The following LRRC7 variants were observed in gnomAD, a reference collection of about 807,000 sequenced individuals.
LRRC7 encodes leucine rich repeat containing 7.
In LRRC7, 23 loss-of-function variants were observed where a neutral mutation model predicts 175.7. That is an observed-to-expected ratio of 0.13 (90% CI 0.09 to 0.19). LRRC7 has a LOEUF of 0.19. Ranked by LOEUF, LRRC7 falls within the 10% of genes least tolerant of loss-of-function variation. The probability of loss-of-function intolerance (pLI) is 1.00; values close to 1 mark genes in which losing one functional copy is unlikely to be tolerated. For missense variants in LRRC7, 1,354 were observed against 1,904.7 expected (o/e 0.71, Z 5.38); for synonymous variants, 685 against 680.9 (o/e 1.01, Z -0.09).
chr1:69,677,317 T>C (rs929660880), intron 1 of LRRC7, among the ~76,000 whole-genome samples: 12 of 149,872 alleles, frequency 8.0e-5, no homozygotes, highest in Non-Finnish European at 1.5e-4. Flanking sequence ...TATCCACTTA[T>C]AGGGTGATGG....
At chr1:69,608,856 CTCTCTCTCTCTA>C (rs1213217034) in intron 1 of LRRC7, among the ~76,000 whole-genome samples, 672 of 28,976 alleles carry the variant, frequency 0.023, no homozygotes, top group Non-Finnish European at 0.027. Flanking sequence ...CTCTCTCTCT[CTCTCTCTCTCTA>C]TATATATATA....
intron 7 of LRRC7, among the ~76,000 whole-genome samples, chr1:69,907,167 C>A (rs1411165547): frequency 6.6e-6 from 1 of 152,104 alleles, no homozygotes; most frequent in African/African-American, 2.4e-5. Flanking sequence ...TGGGCTGAGA[C>A]AATGGGGTTT....
chr1:69,992,163 G>C (rs988410586), intron 10 of LRRC7, among the ~76,000 whole-genome samples: 1 of 151,936 alleles, frequency 6.6e-6, no homozygotes, highest in Non-Finnish European at 1.5e-5. Context: ...ATAGTAAACA[G>C]CTATTGTTAC....
chr1:69,947,126 A>C lies in LRRC7; in HGVS notation c.711+15556A>C, dbSNP rs12033320. 9.3e-4 allele frequency among the ~76,000 whole-genome samples: 132 copies of C among 141,696 alleles called. 1 individual carries two copies. The South Asian group carries it at 0.013, about 14-fold the overall frequency. 93.0% of individuals were successfully genotyped at this position (141,696 alleles called of 152,430 possible). A position where few individuals can be genotyped will look rare whatever the true frequency, so the allele number is the denominator to read the frequency against. ...GTGTCTCAAAATAAATAAATAAATAAATAAATAAATAAATAAATAAATAAA... is the reference window on the plus strand; with the variant it reads ...GTGTCTCAAAATAAATAAATAAATACATAAATAAATAAATAAATAAATAAA... On this transcript the variant is annotated intron_variant, in intron 8 of 26. Transcript: ENST00000651989.
At chr1:69,790,628 G>A (rs995446387) in intron 3 of LRRC7, among the ~76,000 whole-genome samples, 5 of 151,880 alleles carry the variant, frequency 3.3e-5, no homozygotes, top group Non-Finnish European at 5.9e-5. Flanking sequence ...ACTGTATGCA[G>A]ATATAGATGT....
chr1:69,852,201 G>A (rs1184471741), intron 7 of LRRC7, among the ~76,000 whole-genome samples: 1 of 151,802 alleles, frequency 6.6e-6, no homozygotes, highest in Non-Finnish European at 1.5e-5. Context: ...TGTTGTCTAC[G>A]TGTATATCCC....
At chr1:70,068,442 A>G (rs1026225593) in intron 23 of LRRC7, among the ~76,000 whole-genome samples, 3 of 152,166 alleles carry the variant, frequency 2.0e-5, no homozygotes, top group African/African-American at 7.2e-5. Context: ...GTATCACTAG[A>G]ATAAACATCT....
chr1:70,013,114 A>G (rs770736318), intron 13 of LRRC7, 25 bp downstream of exon 13: 6 of 1,358,626 alleles, frequency 4.4e-6, no homozygotes, highest in Middle Eastern at 3.7e-4. Flanking sequence ...TTTCACAATC[A>G]CATATTAGTT....
Position 70,127,947 on chromosome 1 carries a change from T to A in LRRC7, c.*6060T>A, listed in dbSNP as rs1666514411. On this transcript the variant is annotated 3_prime_UTR_variant, in exon 27 of 27. Coordinates refer to ENST00000651989, the MANE Select transcript of LRRC7 (RefSeq NM_001370785.2). ...TCCTTTTTTGAAAAAAAGACTTTTA[T>A]GTGACTTTTTCTTTTCTTTCTTTTT... 6.6e-6 allele frequency among the ~76,000 whole-genome samples: 1 copy of A among 152,120 alleles called. No individual in the cohort carries two copies. The highest frequency in any genetic ancestry group is 2.4e-5 in the African/African-American group (1 of 41,436).
intron 9 of LRRC7, 90 bp downstream of exon 9, chr1:69,980,543 T>C: frequency 9.2e-7 from 1 of 1,083,640 alleles, no homozygotes; most frequent in Admixed American, 2.2e-5. Flanking sequence ...ATTTCAGTAT[T>C]TGTGTTTCAA....
chr1:69,983,846 C>T lies in LRRC7; in HGVS notation c.787-2396C>T, dbSNP rs72943294. Among the ~76,000 whole-genome samples, 863 of 152,280 alleles carry T rather than the reference C, an allele frequency of 5.7e-3. 11 individuals carry two copies. Among genetic ancestry groups the T allele is most frequent in the African/African-American group, 0.02 (819 of 41,542 alleles). ...TGTCTCTGCTTCCCAAGGAATCCAA[C>T]ATGTGACATGACTTAATCTCCAATA... is the stretch of plus-strand genomic sequence containing the variant. On this transcript the variant is annotated intron_variant, in intron 9 of 26. Transcript: ENST00000651989.
At chr1:69,915,954 A>AGCTAGTGAGTGG (rs1646673678) in intron 7 of LRRC7, among the ~76,000 whole-genome samples, 1 of 147,632 alleles carries the variant, frequency 6.8e-6, no homozygotes, top group Admixed American at 7.1e-5. Context: ...AAAGTCAAAC[A>AGCTAGTGAGTGG]GCTAGTGAGT....
At chr1:69,910,294 G>T (rs1236570753) in intron 7 of LRRC7, among the ~76,000 whole-genome samples, 1 of 152,336 alleles carries the variant, frequency 6.6e-6, no homozygotes, top group East Asian at 1.9e-4. Flanking sequence ...TTTCTGCTCT[G>T]TTTTTTCCCC....
At chr1:69,752,813 C>A (rs1669983536) in intron 2 of LRRC7, among the ~76,000 whole-genome samples, 1 of 152,086 alleles carries the variant, frequency 6.6e-6, no homozygotes, top group African/African-American at 2.4e-5. Flanking sequence ...GTGGAGAAAC[C>A]AGAACAGGAT....
intron 7 of LRRC7, among the ~76,000 whole-genome samples, chr1:69,862,112 CA>C (rs1380375516): frequency 1.3e-5 from 2 of 152,118 alleles, no homozygotes; most frequent in African/African-American, 4.8e-5. Context: ...CACCACCTTT[CA>C]AAATTAACCA....
At position 70,121,913 on chromosome 1, in the gene LRRC7, C is replaced by A. The variant is rs200827006; in HGVS notation, c.*26C>A. On this transcript the variant is annotated 3_prime_UTR_variant, in exon 27 of 27. Coordinates refer to ENST00000651989, the MANE Select transcript of LRRC7 (RefSeq NM_001370785.2). The stretch of plus-strand genomic sequence containing the variant: ...ATATTTTTTATAAATAGTGAAGATA[C>A]GTCTAGCCAGACCTAATGTTCAAAA... The A allele has an allele frequency of 6.8e-7, 1 of 1,479,814 alleles. No individual in the cohort carries two copies. Among genetic ancestry groups the A allele is most frequent in the Non-Finnish European group, 9.4e-7 (1 of 1,064,992 alleles). The allele number at this position is 1,479,814 out of a possible 1,614,324, so 91.7% of individuals were successfully genotyped here.
At chr1:69,910,452 C>G (rs1259406924) in intron 7 of LRRC7, among the ~76,000 whole-genome samples, 3 of 152,194 alleles carry the variant, frequency 2.0e-5, no homozygotes, top group African/African-American at 2.4e-5. Flanking sequence ...AGGTCCACTC[C>G]AGACCCTGTT....
chr1:69,848,734 G>A (rs1682645859), intron 7 of LRRC7, among the ~76,000 whole-genome samples: 1 of 151,786 alleles, frequency 6.6e-6, no homozygotes, highest in African/African-American at 2.4e-5. Context: ...CTTTTCTGTC[G>A]AACAGATGCA....
chr1:69,950,084 A>G (rs1229921749), intron 8 of LRRC7, among the ~76,000 whole-genome samples: 7 of 151,824 alleles, frequency 4.6e-5, no homozygotes, highest in Non-Finnish European at 1.0e-4. Context: ...CATTCACCAC[A>G]TGTTTACTCT....
Sources: allele counts gnomAD v4.1 joint callset (sites outside exome capture counted in the v4.1 genomes callset), GRCh38; gene constraint gnomAD v4.1.1; transcripts MANE v1.5; gene names NCBI Gene and HGNC (gene_info 2026-07-23, HGNC 2026-07-21).